The following RIMS2 variants were observed in gnomAD, a reference collection of about 807,000 sequenced individuals.
RIMS2 encodes the protein regulating synaptic membrane exocytosis protein 2.
Under a neutral mutation model 174.4 loss-of-function variants are expected in RIMS2, and 59 were observed. That is an observed-to-expected ratio of 0.34 (90% CI 0.27 to 0.42). RIMS2 has a LOEUF of 0.42. Ranked by LOEUF, RIMS2 falls within the 10% of genes least tolerant of loss-of-function variation. RIMS2 has a pLI of 1.00. For missense variants in RIMS2, 1,620 were observed against 1,666.3 expected, an observed-to-expected ratio of 0.97 and a Z score of 0.48; for synonymous variants, 606 against 572.5, an observed-to-expected ratio of 1.06 and a Z score of -0.84.
At chr8:103,705,970 GTTCCTTC>G (rs1389596626) in intron 2 of RIMS2, among the ~76,000 whole-genome samples, 1 of 151,430 alleles carries the variant, frequency 6.6e-6, no homozygotes, top group Non-Finnish European at 1.5e-5. Context: ...TGCTTTGTAA[GTTCCTTC>G]TTCCTTCTTT....
chr8:103,912,269 G>T (rs2075814914), intron 6 of RIMS2, 97 bp downstream of exon 9: 1 of 801,104 alleles, frequency 1.2e-6, no homozygotes, highest in Non-Finnish European at 1.9e-6. Context: ...ATTTAGTAGT[G>T]TATTTTTCCA....
At chr8:104,176,378 T>A (rs945961115) in intron 19 of RIMS2, among the ~76,000 whole-genome samples, 2 of 152,122 alleles carry the variant, frequency 1.3e-5, no homozygotes, top group African/African-American at 4.8e-5. Flanking sequence ...TCTGACTGTA[T>A]TATAAGCTGG....
chr8:103,743,364 C>T (rs370102538), intron 2 of RIMS2, among the ~76,000 whole-genome samples: 4 of 152,020 alleles, frequency 2.6e-5, no homozygotes, highest in South Asian at 4.1e-4. Flanking sequence ...GAATTATTGC[C>T]GGATAAATTT....
chr8:103,512,036 A>G (rs1352451470), intron 1 of RIMS2, among the ~76,000 whole-genome samples: 1 of 152,106 alleles, frequency 6.6e-6, no homozygotes, highest in African/African-American at 2.4e-5. Context: ...GTGCTTAGGA[A>G]ACTTATTGGG....
At chr8:104,125,753 T>C (rs2098423477) in intron 19 of RIMS2, among the ~76,000 whole-genome samples, 3 of 152,196 alleles carry the variant, frequency 2.0e-5, no homozygotes, top group African/African-American at 7.2e-5. Context: ...TTCTTAAATG[T>C]ATGGTATTCT....
chr8:103,619,097 A>C (rs1174036267), intron 1 of RIMS2, among the ~76,000 whole-genome samples: 1 of 116,538 alleles, frequency 8.6e-6, no homozygotes, highest in Non-Finnish European at 2.1e-5. Flanking sequence ...TTTGCTGAAA[A>C]AAAAAAAAAA....
At chr8:103,721,236 C>T (rs977843307) in intron 2 of RIMS2, among the ~76,000 whole-genome samples, 25 of 152,098 alleles carry the variant, frequency 1.6e-4, no homozygotes, top group Non-Finnish European at 3.4e-4. Flanking sequence ...TCCCAGAAGC[C>T]GAGCAGATGC....
chr8:104,244,015 G>A (rs1272789647), intron 19 of RIMS2, among the ~76,000 whole-genome samples: 1 of 151,998 alleles, frequency 6.6e-6, no homozygotes, highest in Non-Finnish European at 1.5e-5. Flanking sequence ...CCTTGCTTAC[G>A]AAGCTCTCTT....
intron 1 of RIMS2, among the ~76,000 whole-genome samples, chr8:103,631,129 A>T (rs1370894637): frequency 6.6e-6 from 1 of 152,102 alleles, no homozygotes; most frequent in Non-Finnish European, 1.5e-5. Flanking sequence ...GTTTAATTAG[A>T]TCCCATTTGT....
At chr8:103,775,877 A>G (rs571846744) in intron 3 of RIMS2, among the ~76,000 whole-genome samples, 213 of 152,238 alleles carry the variant, frequency 1.4e-3, no homozygotes, top group Admixed American at 2.5e-3. Context: ...TTTAGGTGAA[A>G]AAAAGAATCT....
chr8:104,093,888 T>C (rs1162467796), intron 19 of RIMS2, among the ~76,000 whole-genome samples: 1 of 152,064 alleles, frequency 6.6e-6, no homozygotes, highest in African/African-American at 2.4e-5. Flanking sequence ...AATATCTTTT[T>C]TCATGTTTGT....
At chr8:103,959,221 A>AC (rs1021022302) in intron 14 of RIMS2, among the ~76,000 whole-genome samples, 9 of 81,040 alleles carry the variant, frequency 1.1e-4, no homozygotes, top group African/African-American at 3.9e-4. Context: ...GAAGGAAGTG[A>AC]AAGAGAAATT....
At chr8:103,696,564 A>T (rs2097103072) in intron 1 of RIMS2, among the ~76,000 whole-genome samples, 1 of 152,176 alleles carries the variant, frequency 6.6e-6, no homozygotes, top group South Asian at 2.1e-4. Flanking sequence ...TGGTTATTTA[A>T]TATGTATATT....
At chr8:104,044,490 A>C (rs2096660479) in intron 19 of RIMS2, among the ~76,000 whole-genome samples, 1 of 151,060 alleles carries the variant, frequency 6.6e-6, no homozygotes, top group African/African-American at 2.4e-5. Context: ...TGAAGACTCC[A>C]AAGAGGAGAG....
intron 17 of RIMS2, among the ~76,000 whole-genome samples, chr8:104,009,496 C>G (rs1359891766): frequency 6.6e-6 from 1 of 151,908 alleles, no homozygotes; most frequent in East Asian, 1.9e-4. Flanking sequence ...AGGGTTTCAC[C>G]ATGTTGCCCA....
chr8:104,074,169 C>A (rs1242252096), intron 19 of RIMS2, among the ~76,000 whole-genome samples: 1 of 152,042 alleles, frequency 6.6e-6, no homozygotes, highest in Non-Finnish European at 1.5e-5. Flanking sequence ...TATATGAGCT[C>A]TTCAAAAATT....
chr8:103,916,975 A>G (rs1456219213), intron 8 of RIMS2, among the ~76,000 whole-genome samples: 1 of 152,160 alleles, frequency 6.6e-6, no homozygotes, highest in East Asian at 1.9e-4. Context: ...CAAGGTAGAC[A>G]AACAGACCAA....
chr8:103,987,894 T>G (rs2094464107), intron 16 of RIMS2, among the ~76,000 whole-genome samples: 2 of 152,214 alleles, frequency 1.3e-5, no homozygotes, highest in African/African-American at 4.8e-5. Context: ...TCACAGGATC[T>G]TTTCAAGTAA....
At chr8:103,665,241 G>A (rs140410682) in intron 1 of RIMS2, among the ~76,000 whole-genome samples, 49 of 152,308 alleles carry the variant, frequency 3.2e-4, no homozygotes, top group African/African-American at 1.1e-3. Context: ...AAACCTGCAC[G>A]TTGTGCATAT....
Sources: allele counts gnomAD v4.1 joint callset (sites outside exome capture counted in the v4.1 genomes callset), GRCh38; gene constraint gnomAD v4.1.1; transcripts MANE v1.5; gene names NCBI Gene and HGNC (gene_info 2026-07-23, HGNC 2026-07-21).